WNK1: variants seen among roughly 807,000 people sequenced by gnomAD.
WNK1 encodes serine/threonine-protein kinase WNK1.
Under a neutral mutation model 222.8 loss-of-function variants are expected in WNK1, and 38 were observed. The ratio of observed to expected loss-of-function variants is 0.17; its 90% confidence interval spans 0.13 to 0.22. The LOEUF (loss-of-function observed/expected upper bound fraction) is 0.22. Among genes scored for constraint, WNK1 ranks in the 10% least tolerant of loss-of-function variants. The probability of loss-of-function intolerance (pLI) is 1.00; values close to 1 mark genes in which losing one functional copy is unlikely to be tolerated. For synonymous variants in WNK1, 1,090 were observed against 1,092.9 expected (o/e 1.00, Z 0.05); for missense variants, 2,348 against 2,918.4 (o/e 0.80, Z 4.50).
At position 881,751 on chromosome 12, in the gene WNK1, A is replaced by G. The variant is rs765102074; in HGVS notation, c.3171A>G (p.Gln1057=). 1.2e-6 allele frequency: 2 copies of G among 1,614,220 alleles called. No homozygotes were observed. Among genetic ancestry groups the G allele is most frequent in the Admixed American group, 3.3e-5 (2 of 60,020 alleles). Reference sequence around the variant, plus strand: ...AGCCAGTTGCAGTAGCACAGACCCAAGCTACCCAGCCGACCACTTTGGCTT... The same window carrying G: ...AGCCAGTTGCAGTAGCACAGACCCAGGCTACCCAGCCGACCACTTTGGCTT... ...PAEPVAVAQT[Q]ATQPTTLASS... Residue 1057 remains glutamine (Q), a synonymous_variant, in exon 13 of 28, where the codon CAA becomes CAG. Transcript: ENST00000315939.
chr12:765,610 T>G (rs73041108), intron 1 of WNK1, among the ~76,000 whole-genome samples: 4,697 of 121,202 alleles, frequency 0.039, 606 homozygotes, highest in Non-Finnish European at 0.068. Flanking sequence ...ATCCAGATCT[T>G]GGGTCAAGTT....
chr12:775,929 CTTGT>C (rs761130874), intron 1 of WNK1, among the ~76,000 whole-genome samples: 6 of 152,100 alleles, frequency 3.9e-5, no homozygotes, highest in Non-Finnish European at 7.4e-5. Context: ...CTAGATCATT[CTTGT>C]TTGTTTGTTT....
chr12:803,575 G>A lies in WNK1; in HGVS notation c.760-10067G>A, dbSNP rs192129625. ...AGGCGGGTGGATCACCTGAGGTCAG[G>A]AGTTCGAGACTAGCCTGGCCAACAT... On this transcript the variant is annotated intron_variant, in intron 1 of 27. Transcript: ENST00000315939. Among the ~76,000 whole-genome samples, 631 of 152,202 alleles carry A rather than the reference G, an allele frequency of 4.1e-3. 3 individuals are homozygous for A. Among genetic ancestry groups the A allele is most frequent in the South Asian group, 0.011 (54 of 4,824 alleles).
intron 2 of WNK1, among the ~76,000 whole-genome samples, chr12:823,899 T>C (rs914284400): frequency 2.7e-5 from 3 of 112,312 alleles, no homozygotes; most frequent in African/African-American, 6.6e-5. Context: ...ATCAGAGACA[T>C]CTTTTTTTTT....
chr12:817,411 A>T (rs1237760458), intron 2 of WNK1, among the ~76,000 whole-genome samples: 3 of 152,174 alleles, frequency 2.0e-5, no homozygotes, highest in African/African-American at 7.2e-5. Context: ...TTGAGAATGT[A>T]TACAGATTCC....
intron 1 of WNK1, among the ~76,000 whole-genome samples, chr12:769,536 A>AT (rs35917797): frequency 2.0e-5 from 3 of 152,086 alleles, no homozygotes; most frequent in Non-Finnish European, 4.4e-5. Flanking sequence ...TGTCCCTATC[A>AT]TTTTTTTATG....
chr12:851,696 G>T, intron 4 of WNK1: 1 of 1,331,662 alleles, frequency 7.5e-7, no homozygotes, highest in Non-Finnish European at 9.9e-7. Context: ...TTTTCTGATG[G>T]ATATTAAAAA....
At chr12:787,559 A>G (rs1010403239) in intron 1 of WNK1, among the ~76,000 whole-genome samples, 2 of 152,220 alleles carry the variant, frequency 1.3e-5, no homozygotes, top group African/African-American at 2.4e-5. Flanking sequence ...TTATTAGCGT[A>G]GTTCTTGTGG....
chr12:771,579 G>A (rs1377601940), intron 1 of WNK1, among the ~76,000 whole-genome samples: 2 of 151,524 alleles, frequency 1.3e-5, no homozygotes, highest in Non-Finnish European at 2.9e-5. Flanking sequence ...GGATTACAGG[G>A]GTATGCCACC....
rs1387569449 is a variant in WNK1, at chr12:885,203, C to T, written c.4399C>T (p.Pro1467Ser). 3.1e-6 allele frequency: 5 copies of T among 1,614,172 alleles called. No homozygotes were observed. The highest frequency in any genetic ancestry group is 4.2e-6 in the Non-Finnish European group (5 of 1,180,024). Residue 1467 changes from proline (P) to serine (S), a missense_variant, in exon 19 of 28, where the codon CCA becomes TCA. Pro to Ser is a moderately conservative substitution (Grantham distance 74, BLOSUM62 -1). Transcript: ENST00000315939. ...CTCTGCAGGGGGCAGTACTGCTACC[C>T]CAGGTCCTAAGCCTCCAGCTGTAGT... is the stretch of plus-strand genomic sequence containing the variant. ...SASAGGSTATPGPKPPAVVSQ... is the reference protein window; with the variant it reads ...SASAGGSTATSGPKPPAVVSQ...
At chr12:889,570 G>A (rs1290195194) in intron 21 of WNK1, among the ~76,000 whole-genome samples, 3 of 152,178 alleles carry the variant, frequency 2.0e-5, no homozygotes, top group Non-Finnish European at 4.4e-5. Flanking sequence ...TGTAATCCCA[G>A]CACTTTGGGA....
chr12:842,821 C>A (rs776211983), intron 4 of WNK1, among the ~76,000 whole-genome samples: 13 of 152,112 alleles, frequency 8.5e-5, no homozygotes, highest in Non-Finnish European at 1.3e-4. Flanking sequence ...AAGAACTTGG[C>A]AACATTGTAT....
chr12:881,003 A>C lies in WNK1; in HGVS notation c.3111+4A>C, dbSNP rs776811109. ...CTCCCAGCAAGCAGTTTTGGAGGTA[A>C]ATAGAATTACTGCATGTTTATATGT... On this transcript the variant is annotated splice_donor_region_variant and intron_variant, in intron 12 of 27. Transcript: ENST00000315939. 16 of 1,614,130 alleles carry C rather than the reference A, an allele frequency of 9.9e-6. No individual in the cohort carries two copies. Among genetic ancestry groups the C allele is most frequent in the East Asian group, 8.9e-5 (4 of 44,888 alleles).
At chr12:854,109 A>G (rs1345755945) in intron 4 of WNK1, among the ~76,000 whole-genome samples, 1 of 151,810 alleles carries the variant, frequency 6.6e-6, no homozygotes, top group Non-Finnish European at 1.5e-5. Flanking sequence ...AGCTCATGCC[A>G]GTAATCCCAG....
chr12:884,893 T>C lies in WNK1; in HGVS notation c.4089T>C (p.Pro1363=). 6.2e-7 allele frequency: 1 copy of C among 1,614,146 alleles called. No individual in the cohort carries two copies. The highest frequency in any genetic ancestry group is 8.5e-7 in the Non-Finnish European group (1 of 1,180,008). The change falls in exon 19 of 28, where the codon CCT becomes CCC. Residue 1363 remains proline (P), a synonymous_variant. Transcript: ENST00000315939. The surrounding 1 kb of genome is among the most constrained non-coding windows in gnomAD (Gnocchi z 5.6). ...CAGTCCCTGCAACAAGCAGCCCTCC[T>C]AATGACATTTCCACATCAGTAATTC... ...TAPVPATSSP[P]NDISTSVIQS... is the part of the protein sequence containing the mutation.
chr12:857,179 T>G lies in WNK1; in HGVS notation c.1330T>G (p.Phe444Val). The G allele has an allele frequency of 6.2e-7, 1 of 1,614,192 alleles. No homozygotes were observed. ...RVTSGVKPAS[F>V]DKVAIPEVKE... ...TTTTCAGGGGGTGAAGCCAGCCAGT[T>G]TTGACAAAGTAGCAATTCCTGAAGT... The change falls in exon 5 of 28, where the codon TTT becomes GTT. Residue 444 changes from phenylalanine (F) to valine (V), a missense_variant. Around this residue, in one of 13 missense-constraint regions of WNK1, gnomAD observed 37 missense variants for 102.8 expected, o/e 0.36. Transcript: ENST00000315939.
intron 2 of WNK1, among the ~76,000 whole-genome samples, chr12:815,985 T>A (rs759193525): frequency 2.0e-5 from 3 of 152,236 alleles, no homozygotes; most frequent in Non-Finnish European, 4.4e-5. Flanking sequence ...CAGGAACTTA[T>A]ACTCTGGGAT....
intron 5 of WNK1, among the ~76,000 whole-genome samples, chr12:857,989 G>A (rs910195170): frequency 7.2e-5 from 11 of 152,298 alleles, no homozygotes; most frequent in Non-Finnish European, 1.2e-4. Context: ...GCTATCAGAT[G>A]TATCAACCGA....
At chr12:857,916 G>T (rs1307310480) in intron 5 of WNK1, among the ~76,000 whole-genome samples, 1 of 152,124 alleles carries the variant, frequency 6.6e-6, no homozygotes, top group Non-Finnish European at 1.5e-5. Flanking sequence ...AAAAGAAAAA[G>T]GAGACCAGCT....
Sources: allele counts gnomAD v4.1 joint callset (sites outside exome capture counted in the v4.1 genomes callset), GRCh38; gene constraint gnomAD v4.1.1; regional missense constraint gnomAD v4.1.1; non-coding constraint Gnocchi (gnomAD v3.1); transcripts MANE v1.5; gene names NCBI Gene and HGNC (gene_info 2026-07-23, HGNC 2026-07-21).